The following ANKRD44 variants were observed in gnomAD, a reference collection of about 807,000 sequenced individuals.
ANKRD44 encodes the protein ankyrin repeat domain 44.
A neutral mutation model predicts 116.0 loss-of-function variants in ANKRD44; 35 were observed. The ratio of observed to expected loss-of-function variants is 0.30; its 90% CI spans 0.23 to 0.40. ANKRD44 has a LOEUF of 0.40. Among genes scored for constraint, ANKRD44 ranks in the 10% least tolerant of loss-of-function variants. ANKRD44 has a pLI of 1.00. For synonymous variants in ANKRD44, 435 were observed against 461.8 expected (o/e 0.94, Z 0.74); for missense variants, 1,014 against 1,242.6 (o/e 0.82, Z 2.77).
intron 1 of ANKRD44, among the ~76,000 whole-genome samples, chr2:197,219,864 T>C (rs1341728486): frequency 6.6e-6 from 1 of 152,012 alleles, no homozygotes; most frequent in Non-Finnish European, 1.5e-5. Flanking sequence ...AGAGGGCAAA[T>C]CTCCAAAGGC....
chr2:197,150,760 G>C (rs1157802385), intron 2 of ANKRD44, among the ~76,000 whole-genome samples: 1 of 152,152 alleles, frequency 6.6e-6, no homozygotes, highest in Non-Finnish European at 1.5e-5. Context: ...TGAACTTAGA[G>C]TGCAGGGATA....
intron 1 of ANKRD44, among the ~76,000 whole-genome samples, chr2:197,284,885 CAA>C (rs11367623): frequency 2.5e-4 from 35 of 142,138 alleles, no homozygotes; most frequent in Admixed American, 9.8e-4. Flanking sequence ...GACTCCATCT[CAA>C]AAAAAAAAAA....
chr2:197,116,089 G>C (rs2078700431), intron 8 of ANKRD44, among the ~76,000 whole-genome samples: 1 of 152,180 alleles, frequency 6.6e-6, no homozygotes, highest in Non-Finnish European at 1.5e-5. Context: ...ATTTGTGGAA[G>C]GGAAGAAGGG....
rs561180180 is a variant in ANKRD44, at chr2:197,008,856, G to A, written c.2012+88C>T. On this transcript the variant is annotated intron_variant, in intron 19 of 27. Coordinates refer to ENST00000282272, the MANE Select transcript of ANKRD44 (RefSeq NM_001195144.2). ...TATATTCCTCCAATTTCTCGGTTCCGCAGTCAGCCTTGTAATGATTTAAGA... is the reference window on the plus strand; with the variant it reads ...TATATTCCTCCAATTTCTCGGTTCCACAGTCAGCCTTGTAATGATTTAAGA... 4.9e-5 allele frequency: 57 copies of A among 1,171,244 alleles called. No individual in the cohort carries two copies. The African/African-American group carries it at 7.0e-4, about 14-fold the overall frequency. The allele number at this position is 1,171,244 out of a possible 1,614,324, so 72.6% of individuals were successfully genotyped here. A position where few individuals can be genotyped will look rare whatever the true frequency, so the allele number is the denominator to read the frequency against.
intron 16 of ANKRD44, among the ~76,000 whole-genome samples, chr2:197,057,864 C>T (rs1222776517): frequency 6.6e-6 from 1 of 152,038 alleles, no homozygotes; most frequent in African/African-American, 2.4e-5. Context: ...TCTCAAAAAT[C>T]ATAAAAAATA....
chr2:197,129,426 C>T (rs944685313), intron 4 of ANKRD44, among the ~76,000 whole-genome samples: 19 of 152,184 alleles, frequency 1.2e-4, no homozygotes, highest in Admixed American at 7.2e-4. Flanking sequence ...TGAGCCACCG[C>T]GCCTGGACCT....
chr2:197,006,438 C>G (rs1207355222), intron 20 of ANKRD44, among the ~76,000 whole-genome samples: 3 of 152,062 alleles, frequency 2.0e-5, no homozygotes, highest in Non-Finnish European at 4.4e-5. Context: ...GAGCAAGACT[C>G]CATCTCAAAA....
At chr2:197,062,523 C>G (rs990336119) in intron 16 of ANKRD44, among the ~76,000 whole-genome samples, 8 of 152,248 alleles carry the variant, frequency 5.3e-5, no homozygotes, top group Non-Finnish European at 1.0e-4. Flanking sequence ...TGAGCCCAAG[C>G]AGGGCGAGGC....
At chr2:197,061,371 G>C (rs906222364) in intron 16 of ANKRD44, among the ~76,000 whole-genome samples, 2 of 152,172 alleles carry the variant, frequency 1.3e-5, no homozygotes, top group African/African-American at 4.8e-5. Context: ...CCCCATACCC[G>C]GGCAGTGACA....
At chr2:197,184,758 T>C (rs554911865) in intron 2 of ANKRD44, among the ~76,000 whole-genome samples, 1 of 152,114 alleles carries the variant, frequency 6.6e-6, no homozygotes, top group East Asian at 1.9e-4. Context: ...TGTTGCTACC[T>C]GGGATCCTGT....
chr2:197,232,983 A>C (rs1223366075), intron 1 of ANKRD44, among the ~76,000 whole-genome samples: 2 of 152,186 alleles, frequency 1.3e-5, no homozygotes, highest in African/African-American at 2.4e-5. Context: ...TAGTTCTCTC[A>C]TTACACCTTT....
At chr2:197,013,986 CTTATAT>C (rs2076343476) in intron 17 of ANKRD44, among the ~76,000 whole-genome samples, 4 of 152,304 alleles carry the variant, frequency 2.6e-5, no homozygotes, top group African/African-American at 9.6e-5. Context: ...TTAATGTATT[CTTATAT>C]TTATATCTAC....
At chr2:197,084,073 C>G (rs988770291) in intron 13 of ANKRD44, among the ~76,000 whole-genome samples, 8 of 152,096 alleles carry the variant, frequency 5.3e-5, no homozygotes, top group Admixed American at 4.6e-4. Flanking sequence ...GGTGCAATAC[C>G]CACATATAAC....
chr2:197,050,840 GAA>G (rs1246910706), intron 16 of ANKRD44, among the ~76,000 whole-genome samples: 1 of 152,026 alleles, frequency 6.6e-6, no homozygotes, highest in Non-Finnish European at 1.5e-5. Flanking sequence ...GTTATTTTTT[GAA>G]AGTTTTACTT....
chr2:197,127,339 T>C (rs182490928), intron 4 of ANKRD44, among the ~76,000 whole-genome samples: 2 of 152,296 alleles, frequency 1.3e-5, no homozygotes, highest in Admixed American at 1.3e-4. Context: ...ATAATAGAAA[T>C]TTAATATAAT....
At chr2:197,304,062 T>C (rs1388584299) in intron 1 of ANKRD44, among the ~76,000 whole-genome samples, 1 of 152,150 alleles carries the variant, frequency 6.6e-6, no homozygotes, top group Admixed American at 6.5e-5. Flanking sequence ...TCCCAGCACT[T>C]TGGGAGGCTG....
At chr2:197,126,936 TG>T (rs1239509703) in intron 4 of ANKRD44, among the ~76,000 whole-genome samples, 2 of 151,800 alleles carry the variant, frequency 1.3e-5, no homozygotes, top group Non-Finnish European at 2.9e-5. Context: ...CACAATGAGC[TG>T]TGATCATGAC....
chr2:197,122,513 A>G, intron 7 of ANKRD44, 137 bp downstream of exon 7: 5 of 1,199,988 alleles, frequency 4.2e-6, no homozygotes, highest in Non-Finnish European at 5.7e-6. Flanking sequence ...TCAGTTGCCC[A>G]CAAAAACTCA....
chr2:197,136,595 A>G lies in ANKRD44; in HGVS notation c.258T>C (p.Ser86=), dbSNP rs3731569. 384,239 of 1,612,726 alleles carry G rather than the reference A, an allele frequency of 0.24. 49,568 individuals are homozygous for G. Among genetic ancestry groups the G allele is most frequent in the African/African-American group, 0.52 (38,764 of 74,900 alleles). The part of the protein sequence containing the change: ...TPLHRAVASR[S]EEAVQVLIKH... ...ATTAAATATGGTAATCACTCACTTC[A>G]CTTCTGGAAGCAACAGCCCGGTGCA... The change falls in exon 4 of 28, where the codon AGT becomes AGC. Residue 86 remains serine, a synonymous_variant. Coordinates refer to ENST00000282272, the MANE Select transcript of ANKRD44 (RefSeq NM_001195144.2).
Sources: allele counts gnomAD v4.1 joint callset (sites outside exome capture counted in the v4.1 genomes callset), GRCh38; gene constraint gnomAD v4.1.1; transcripts MANE v1.5; gene names NCBI Gene and HGNC (gene_info 2026-07-23, HGNC 2026-07-21).